The following GPC5 variants were observed in gnomAD, a reference collection of about 807,000 sequenced individuals.
GPC5 encodes the protein glypican 5, also known as glypican-5.
In GPC5, 47 loss-of-function variants were observed where a neutral mutation model predicts 53.9. The observed-to-expected ratio is 0.87, with a 90% CI of 0.69 to 1.11. GPC5 has a LOEUF of 1.11. Among genes scored for constraint, GPC5 ranks in the 50% most tolerant of loss-of-function variants. GPC5 has a pLI of 0.00. For synonymous variants in GPC5, 286 were observed against 263.3 expected (o/e 1.09, Z -0.84); for missense variants, 748 against 713.1 (o/e 1.05, Z -0.56).
intron 5 of GPC5, among the ~76,000 whole-genome samples, chr13:91,844,758 C>T (rs978372242): frequency 9.2e-5 from 14 of 152,066 alleles, no homozygotes; most frequent in Admixed American, 3.3e-4. Flanking sequence ...GTCTCACTCA[C>T]TCTGTCACCC....
At chr13:92,177,563 A>G (rs1043573820) in intron 7 of GPC5, among the ~76,000 whole-genome samples, 2 of 152,146 alleles carry the variant, frequency 1.3e-5, no homozygotes, top group Non-Finnish European at 2.9e-5. Context: ...AGCCACTAGT[A>G]TGTTTTTTGT....
intron 1 of GPC5, among the ~76,000 whole-genome samples, chr13:91,427,487 T>C (rs1027962992): frequency 3.3e-5 from 5 of 152,176 alleles, no homozygotes; most frequent in African/African-American, 1.2e-4. Flanking sequence ...AGTAACCTCT[T>C]TGTTTTGGCT....
intron 5 of GPC5, among the ~76,000 whole-genome samples, chr13:91,866,104 C>T (rs574612211): frequency 6.6e-4 from 100 of 152,174 alleles, no homozygotes; most frequent in African/African-American, 2.3e-3. Context: ...CCGACCTCAG[C>T]TGATCGACCC....
intron 7 of GPC5, among the ~76,000 whole-genome samples, chr13:92,462,494 T>G (rs1594222446): frequency 6.6e-6 from 1 of 151,522 alleles, no homozygotes; most frequent in South Asian, 2.1e-4. Context: ...GAAGCAGGGG[T>G]TTTTCTTGAA....
intron 7 of GPC5, among the ~76,000 whole-genome samples, chr13:92,203,632 T>C (rs1361856914): frequency 1.5e-5 from 2 of 137,466 alleles, no homozygotes; most frequent in African/African-American, 2.6e-5. Context: ...AAACTTAGAG[T>C]ATAATAAAAA....
At chr13:92,767,195 G>T (rs1875435733) in intron 7 of GPC5, among the ~76,000 whole-genome samples, 1 of 151,868 alleles carries the variant, frequency 6.6e-6, no homozygotes, top group Non-Finnish European at 1.5e-5. Flanking sequence ...TTCCAGGATG[G>T]GTGCGGTGGC....
At position 92,820,517 on chromosome 13, in the gene GPC5, T is replaced by C. The variant is rs1394660388; in HGVS notation, c.1562-45765T>C. Among the ~76,000 whole-genome samples the C allele has an allele frequency of 3.9e-5, 6 of 152,204 alleles. No homozygotes were observed. In the South Asian group the frequency reaches 8.3e-4, roughly 21 times the overall value. ...CTGATCATATCACTCTTAAACTCCT[T>C]TAGTTGTCTGCCATTAATCTTAGGA... On this transcript the variant is annotated intron_variant, in intron 7 of 7. Coordinates refer to ENST00000377067, the MANE Select transcript of GPC5 (RefSeq NM_004466.6).
chr13:92,498,598 G>A (rs1008452667), intron 7 of GPC5, among the ~76,000 whole-genome samples: 1 of 152,074 alleles, frequency 6.6e-6, no homozygotes, highest in Non-Finnish European at 1.5e-5. Flanking sequence ...GCCTGACCAC[G>A]ACCTGATGGT....
rs572095146 is a variant in GPC5 at position 92,424,466 on chromosome 13, C to T, written c.1561+279477C>T. Among the ~76,000 whole-genome samples, 80 of 152,040 alleles carry T rather than the reference C, an allele frequency of 5.3e-4. 1 individual carries two copies. In the South Asian group the frequency reaches 9.3e-3, roughly 18 times the overall value. On this transcript the variant is annotated intron_variant, in intron 7 of 7. Transcript: ENST00000377067. ...TCATTAAAAAAGAATTTTAAGTATT[C>T]TCCTCTTTATTCTAGAAACAAAATG...
At chr13:91,927,837 A>G (rs2039783553) in intron 6 of GPC5, among the ~76,000 whole-genome samples, 1 of 152,218 alleles carries the variant, frequency 6.6e-6, no homozygotes, top group Non-Finnish European at 1.5e-5. Context: ...TCACTGGGAT[A>G]AGGAGATGAA....
intron 7 of GPC5, among the ~76,000 whole-genome samples, chr13:92,445,415 T>C (rs1349746687): frequency 6.6e-6 from 1 of 151,206 alleles, no homozygotes; most frequent in African/African-American, 2.4e-5. Flanking sequence ...GCTGCACCCA[T>C]TAACTTGTCA....
At chr13:91,924,196 C>T (rs2039744522) in intron 6 of GPC5, among the ~76,000 whole-genome samples, 1 of 152,004 alleles carries the variant, frequency 6.6e-6, no homozygotes, top group Non-Finnish European at 1.5e-5. Flanking sequence ...GTGAAACATA[C>T]CACAAACATA....
chr13:92,358,879 G>C (rs945640039), intron 7 of GPC5, among the ~76,000 whole-genome samples: 8 of 151,738 alleles, frequency 5.3e-5, no homozygotes, highest in African/African-American at 1.7e-4. Context: ...TAGCTACTGA[G>C]AAGGTCTTTG....
At chr13:91,849,789 A>G (rs530527113) in intron 5 of GPC5, among the ~76,000 whole-genome samples, 1 of 152,208 alleles carries the variant, frequency 6.6e-6, no homozygotes, top group African/African-American at 2.4e-5. Context: ...ATTATGATGC[A>G]TGTATCAGAA....
chr13:92,162,086 C>A (rs1284612718), intron 7 of GPC5, among the ~76,000 whole-genome samples: 1 of 140,646 alleles, frequency 7.1e-6, no homozygotes, highest in Non-Finnish European at 1.5e-5. Context: ...TGTTCCATAC[C>A]TTTATGTTAT....
At chr13:91,820,006 T>C (rs1284239409) in intron 5 of GPC5, among the ~76,000 whole-genome samples, 1 of 152,222 alleles carries the variant, frequency 6.6e-6, no homozygotes, top group Non-Finnish European at 1.5e-5. Flanking sequence ...TTGCCTTCCC[T>C]CTTTACAAAG....
intron 5 of GPC5, among the ~76,000 whole-genome samples, chr13:91,757,329 T>C (rs1350975624): frequency 1.3e-5 from 2 of 152,174 alleles, no homozygotes; most frequent in African/African-American, 2.4e-5. Flanking sequence ...AAGTATACTT[T>C]GGATCTGAAT....
chr13:91,548,769 A>G (rs139396527), intron 2 of GPC5, among the ~76,000 whole-genome samples: 1 of 152,360 alleles, frequency 6.6e-6, no homozygotes, highest in East Asian at 1.9e-4. Context: ...TCAATGGAAT[A>G]GAATGGGGAC....
intron 6 of GPC5, among the ~76,000 whole-genome samples, chr13:92,010,656 C>T (rs887549563): frequency 1.3e-5 from 2 of 152,146 alleles, no homozygotes; most frequent in African/African-American, 4.8e-5. Context: ...AGATACATCA[C>T]AGCCCTCTCT....
Sources: allele counts gnomAD v4.1 joint callset (sites outside exome capture counted in the v4.1 genomes callset), GRCh38; gene constraint gnomAD v4.1.1; transcripts MANE v1.5; gene names NCBI Gene and HGNC (gene_info 2026-07-23, HGNC 2026-07-21).